The following RAB33A variants were observed in gnomAD, a reference collection of about 807,000 sequenced individuals.
RAB33A encodes RAB33A, member RAS oncogene family, also known as ras-related protein Rab-33A.
RAB33A carries 6 observed loss-of-function variants against 12.0 expected under a neutral mutation model. The observed-to-expected ratio is 0.50, with a 90% CI of 0.27 to 0.99. The LOEUF (loss-of-function observed/expected upper bound fraction) is 0.99, where lower values mean the gene tolerates loss of function less well. Among genes scored for constraint, RAB33A ranks in the 50% least tolerant of loss-of-function variants. RAB33A has a pLI of 0.11. For synonymous variants in RAB33A, 70 were observed against 82.4 expected (o/e 0.85, Z 0.81); for missense variants, 109 against 192.0 (o/e 0.57, Z 2.55).
the RAB33A span, chrX:130,135,937 C>G: frequency 2.0e-5 from 21 of 1,046,263 alleles, no homozygotes; most frequent in Non-Finnish European, 2.7e-5. Context: ...TCCAAACACT[C>G]TGACCCTATT....
the RAB33A span, among the ~76,000 whole-genome samples, chrX:130,164,572 G>A: frequency 4.5e-5 from 5 of 112,022 alleles, no homozygotes; most frequent in Non-Finnish European, 7.5e-5. Flanking sequence ...ACTCCTACAG[G>A]TGGATCATTC....
the RAB33A span, among the ~76,000 whole-genome samples, chrX:130,114,834 C>T: frequency 8.9e-6 from 1 of 112,041 alleles, no homozygotes; most frequent in Non-Finnish European, 1.9e-5. Context: ...CAAGGTCTTG[C>T]TGTATTGCCC....
the RAB33A span, among the ~76,000 whole-genome samples, chrX:130,154,867 G>A: frequency 5.3e-5 from 6 of 112,160 alleles, no homozygotes; most frequent in African/African-American, 1.9e-4. Context: ...AATATAATTT[G>A]GTATCATACA....
the RAB33A span, chrX:130,137,178 G>A: frequency 8.3e-7 from 1 of 1,211,007 alleles, no homozygotes; most frequent in Admixed American, 2.2e-5. Context: ...CTGTGCCCAA[G>A]GCTCGAGCTG....
At chrX:130,158,491 T>A in the RAB33A span, among the ~76,000 whole-genome samples, 2 of 109,745 alleles carry the variant, frequency 1.8e-5, no homozygotes, top group Non-Finnish European at 3.8e-5. Context: ...ATTCAATAGA[T>A]CTGGGATGGG....
At chrX:130,116,530 G>A in the RAB33A span, among the ~76,000 whole-genome samples, 1 of 111,550 alleles carries the variant, frequency 9.0e-6, no homozygotes, top group African/African-American at 3.3e-5. Context: ...CTGACCTCAT[G>A]ACCCACCCAC....
intron 1 of RAB33A, among the ~76,000 whole-genome samples, chrX:130,180,956 T>A (rs1603235482): frequency 1.2e-5 from 1 of 81,865 alleles, no homozygotes; most frequent in African/African-American, 5.1e-5. Flanking sequence ...TGCAGTGAGC[T>A]GAGATTGCAC....
At chrX:130,149,892 T>A in the RAB33A span, among the ~76,000 whole-genome samples, 1 of 112,210 alleles carries the variant, frequency 8.9e-6, no homozygotes, top group East Asian at 2.8e-4. Context: ...AAGAATAAAG[T>A]GCTAGAAAGG....
chrX:130,149,619 A>G, the RAB33A span: 1 of 855,311 alleles, frequency 1.2e-6, no homozygotes, highest in Admixed American at 2.2e-5. Flanking sequence ...GCTAGCTCAT[A>G]CTGTAAGTAA....
the RAB33A span, chrX:130,129,953 T>C: frequency 8.3e-7 from 1 of 1,208,385 alleles, no homozygotes; most frequent in Non-Finnish European, 1.1e-6. Context: ...CCTCTAAGAG[T>C]TATGACAGGC....
At chrX:130,145,048 C>T in the RAB33A span, among the ~76,000 whole-genome samples, 3,819 of 112,296 alleles carry the variant, frequency 0.034, 66 homozygotes, top group Non-Finnish European at 0.055. Flanking sequence ...TCCTGGGACT[C>T]CACAAATACC....
chrX:130,112,644 A>T, the RAB33A span, among the ~76,000 whole-genome samples: 2,329 of 111,624 alleles, frequency 0.021, 36 homozygotes, highest in African/African-American at 0.056. Context: ...AGCGGGGTGG[A>T]TCACTTGAGG....
chrX:130,114,738 C>T, the RAB33A span, among the ~76,000 whole-genome samples: 2 of 112,330 alleles, frequency 1.8e-5, no homozygotes, highest in African/African-American at 6.5e-5. Flanking sequence ...TGTAGTTCCA[C>T]CTCCCTACTT....
chrX:130,156,504 A>G, the RAB33A span: 1 of 1,211,893 alleles, frequency 8.3e-7, no homozygotes. Context: ...AATAAGGACT[A>G]ACACAGAATT....
upstream of RAB33A, chrX:130,171,939 G>C (rs2031611985): frequency 1.2e-6 from 1 of 835,406 alleles, no homozygotes; most frequent in South Asian, 2.7e-5. Flanking sequence ...CACACGGGCG[G>C]ACACACACAC....
intron 1 of RAB33A, among the ~76,000 whole-genome samples, chrX:130,181,300 C>T (rs890572084): frequency 3.6e-5 from 4 of 110,933 alleles, no homozygotes; most frequent in African/African-American, 6.5e-5. Context: ...TTCACTCAGC[C>T]GACAGATTCA....
At chrX:130,115,290 G>A in the RAB33A span, among the ~76,000 whole-genome samples, 5 of 110,953 alleles carry the variant, frequency 4.5e-5, no homozygotes, top group African/African-American at 6.6e-5. Flanking sequence ...GCCAGAGCCC[G>A]AACATACCAC....
At chrX:130,145,486 C>G in the RAB33A span, 1 of 1,207,299 alleles carries the variant, frequency 8.3e-7, no homozygotes, top group Admixed American at 2.2e-5. Flanking sequence ...CACCTTCTTC[C>G]CAGTGAGGAC....
chrX:130,159,421 T>C, the RAB33A span, among the ~76,000 whole-genome samples: 1 of 111,873 alleles, frequency 8.9e-6, no homozygotes, highest in African/African-American at 3.2e-5. Context: ...CAGAAACTTA[T>C]CTCAATCTGG....
Sources: gnomAD v4.1 joint callset for allele counts (sites outside exome capture counted in the v4.1 genomes callset) on GRCh38, gnomAD v4.1.1 for gene constraint, MANE v1.5 for transcripts, NCBI Gene and HGNC (gene_info 2026-07-23, HGNC 2026-07-21) for gene names.